The following INPP5E variants were observed in gnomAD, a reference collection of about 807,000 sequenced individuals.
INPP5E encodes the protein inositol polyphosphate-5-phosphatase E, also known as phosphatidylinositol polyphosphate 5-phosphatase type IV.
A neutral mutation model predicts 50.5 loss-of-function variants in INPP5E; 34 were observed. The ratio of observed to expected loss-of-function variants is 0.67; its 90% CI spans 0.51 to 0.90. The LOEUF is 0.90. INPP5E is among the 40% of genes least tolerant of loss of function. INPP5E has a pLI of 0.00. For synonymous variants in INPP5E, 447 were observed against 406.0 expected, an observed-to-expected ratio of 1.10 and a Z score of -1.21; for missense variants, 942 against 905.5, an observed-to-expected ratio of 1.04 and a Z score of -0.52.
intron 6 of INPP5E, 29 bp from the exon 7 acceptor site, chr9:136,432,014 C>G (rs1293467869): frequency 1.2e-6 from 2 of 1,612,494 alleles, no homozygotes; most frequent in Non-Finnish European, 1.7e-6. Context: ...TGTGTGGGCA[C>G]AGGCAGAGGG....
intron 3 of INPP5E, among the ~76,000 whole-genome samples, chr9:136,433,639 CCGGG>C (rs1835764427): frequency 6.6e-6 from 1 of 152,202 alleles, no homozygotes; most frequent in Non-Finnish European, 1.5e-5. Context: ...ACATGGGGGC[CCGGG>C]AGGCCTTGGG....
chr9:136,430,936 G>A (rs541897913), intron 8 of INPP5E, 66 bp downstream of exon 8: 28 of 1,143,740 alleles, frequency 2.4e-5, no homozygotes, highest in Admixed American at 3.5e-5. Context: ...GCCAGGCATC[G>A]GTTCCCGGCT....
At chr9:136,432,127 T>C in intron 6 of INPP5E, 142 bp from the exon 7 acceptor site, 2 of 1,025,302 alleles carry the variant, frequency 2.0e-6, no homozygotes, top group South Asian at 2.7e-5. Flanking sequence ...AGGGGTGGGA[T>C]TCGCACTGGG....
rs1383003885 is a variant in INPP5E, at chr9:136,439,556, C to G, written c.-137G>C. The G allele has an allele frequency of 1.8e-6, 1 of 566,568 alleles. No individual in the cohort carries two copies. Among genetic ancestry groups the G allele is most frequent in the Non-Finnish European group, 2.6e-6 (1 of 379,242 alleles). 35.1% of individuals were successfully genotyped at this position (566,568 alleles called of 1,614,324 possible). ...CTCCCGCTTGGGCCGGGGATGGTCG[C>G]GGAGGGGCGGGGGCGGCTGCCGCAT... On this transcript the variant is annotated 5_prime_UTR_variant, in exon 1 of 10. Transcript: ENST00000371712.
intron 5 of INPP5E, 66 bp downstream of exon 5, chr9:136,432,888 CAG>C (rs1426401350): frequency 6.3e-7 from 1 of 1,577,906 alleles, no homozygotes; most frequent in African/African-American, 1.4e-5. Context: ...CTGCCTTGGA[CAG>C]GGTCCCGGTC....
rs1468382496 is a variant in INPP5E, at chr9:136,439,714, C to A, written c.-295G>T. 3.5e-6 allele frequency: 1 copy of A among 285,186 alleles called. No individual in the cohort carries two copies. Among genetic ancestry groups the A allele is most frequent in the Non-Finnish European group, 6.5e-6 (1 of 153,808 alleles). 17.7% of individuals were successfully genotyped at this position (285,186 alleles called of 1,614,324 possible). A position where few individuals can be genotyped will look rare whatever the true frequency, so the allele number is the denominator to read the frequency against. ...GGAGGTTCGACCCCGACGGGGACGCCGCTCGGGGAGAGGGGTGGGAAGCGG... is the reference window on the plus strand; with the variant it reads ...GGAGGTTCGACCCCGACGGGGACGCAGCTCGGGGAGAGGGGTGGGAAGCGG... On this transcript the variant is annotated 5_prime_UTR_variant, in exon 1 of 10. Transcript: ENST00000371712.
chr9:136,439,520 C>T lies in INPP5E; in HGVS notation c.-101G>A. 1 of 851,618 alleles carries T rather than the reference C, an allele frequency of 1.2e-6. No individual in the cohort carries two copies. The highest frequency in any genetic ancestry group is 3.4e-5 in the East Asian group (1 of 29,088). 52.8% of individuals were successfully genotyped at this position (851,618 alleles called of 1,614,324 possible). On this transcript the variant is annotated 5_prime_UTR_variant, in exon 1 of 10. Transcript: ENST00000371712. ...TCGCCGGCGCAGCGAGGAGCAGAAA[C>T]GCCGCTGCGGCTCCCGCTTGGGCCG...
In INPP5E at chr9:136,433,121, T is replaced by TTCCTGCCACGCCCACCCC. The variant is rs370033243; in HGVS notation, c.1159+33_1159+34insGGGGTGGGCGTGGCAGGA. The TTCCTGCCACGCCCACCCC allele has an allele frequency of 4.1e-4, 555 of 1,357,722 alleles. 1 individual carries two copies. In the African/African-American group the frequency reaches 5.0e-3, roughly 12 times the overall value. The allele number at this position is 1,357,722 out of a possible 1,614,324, so 84.1% of individuals were successfully genotyped here. On this transcript the variant is annotated intron_variant, in intron 4 of 9. Coordinates refer to ENST00000371712, the MANE Select transcript of INPP5E (RefSeq NM_019892.6). Reference sequence around the variant, plus strand: ...AGCTCACCTGTGGGACGCTGCCACCTTCCAGCCGCGCCCACCCCTCCAGCC... The same window carrying TTCCTGCCACGCCCACCCC: ...AGCTCACCTGTGGGACGCTGCCACCTTCCTGCCACGCCCACCCCTCCAGCCGCGCCCACCCCTCCAGCC...
chr9:136,429,312 G>C lies in INPP5E; in HGVS notation c.*363C>G, dbSNP rs370800811. 2 of 394,652 alleles carry C rather than the reference G, an allele frequency of 5.1e-6. No individual in the cohort carries two copies. The highest frequency in any genetic ancestry group is 9.7e-6 in the Non-Finnish European group (2 of 206,790). The allele number at this position is 394,652 out of a possible 1,614,324, so 24.4% of individuals were successfully genotyped here. A position where few individuals can be genotyped will look rare whatever the true frequency, so the allele number is the denominator to read the frequency against. ...GGGAGAGGCTGGTGCAGAGCACGGGGGTGTTGGGGGGCTCTGTGACTGCCC... is the reference window on the plus strand; with the variant it reads ...GGGAGAGGCTGGTGCAGAGCACGGGCGTGTTGGGGGGCTCTGTGACTGCCC... On this transcript the variant is annotated 3_prime_UTR_variant, in exon 10 of 10. Coordinates refer to ENST00000371712, the MANE Select transcript of INPP5E (RefSeq NM_019892.6).
At position 136,434,881 on chromosome 9, in the gene INPP5E, C is replaced by T. The variant is rs1251598571; in HGVS notation, c.813-18G>A. On this transcript the variant is annotated intron_variant, in intron 1 of 9. Transcript: ENST00000371712. ...GGTAACTCCTGTGACGGGAGGACCC[C>T]AAGCTCAGGGCCAGGCACAGGACAC... 1.9e-6 allele frequency: 3 copies of T among 1,598,992 alleles called. No homozygotes were observed. The South Asian group carries it at 3.4e-5, about 18-fold the overall frequency.
chr9:136,438,585 TG>T, intron 1 of INPP5E, 22 bp downstream of exon 1: 1 of 1,427,322 alleles, frequency 7.0e-7, no homozygotes, highest in Non-Finnish European at 9.1e-7. Context: ...GCGCGGGCGC[TG>T]CACCCGCCAG....
In INPP5E at chr9:136,434,098, C is replaced by T; in HGVS notation, c.973G>A (p.Ala325Thr). Residue 325 changes from alanine to threonine, a missense_variant, in exon 3 of 10, where the codon GCC becomes ACC. By Grantham distance (58) the Ala-to-Thr change is moderately conservative. Transcript: ENST00000371712. ...PPSLDEFLLP[A>T]EADYAQDLYV... The stretch of plus-strand genomic sequence containing the variant: ...AGGTCCTGGGCATAGTCGGCCTCGG[C>T]TGGGAGCAGGAACTCGTCCAGGCTG... 1.2e-6 allele frequency: 2 copies of T among 1,610,826 alleles called. No individual in the cohort carries two copies. The highest frequency in any genetic ancestry group is 1.7e-6 in the Non-Finnish European group (2 of 1,179,538).
Position 136,433,285 on chromosome 9 carries a change from G to C in INPP5E, c.1035-6C>G. ...GACGAGTCTCCCACTCCCGCCTGCA[G>C]AGGAGGAAGCACGGCCGGCTGGGGG... On this transcript the variant is annotated splice_polypyrimidine_tract_variant and splice_region_variant and intron_variant, in intron 3 of 9. Transcript: ENST00000371712. 1 of 1,580,118 alleles carries C rather than the reference G, an allele frequency of 6.3e-7. No individual in the cohort carries two copies. The highest frequency in any genetic ancestry group is 1.1e-5 in the South Asian group (1 of 88,954).
Position 136,429,659 on chromosome 9 carries a change from C to T in INPP5E, c.*16G>A. 1 of 1,613,808 alleles carries T rather than the reference C, an allele frequency of 6.2e-7. No individual in the cohort carries two copies. Among genetic ancestry groups the T allele is most frequent in the Non-Finnish European group, 8.5e-7 (1 of 1,180,006 alleles). On this transcript the variant is annotated 3_prime_UTR_variant, in exon 10 of 10. Transcript: ENST00000371712. ...ATCACCCCACGTTGCAGCTGTGAGT[C>T]CTCGTTCAGCAAACTTCAAGAAACG...
chr9:136,438,982 G>A lies in INPP5E; in HGVS notation c.438C>T (p.Val146=). The change falls in exon 1 of 10, where the codon GTC becomes GTT. Residue 146 remains valine (V), a synonymous_variant. Coordinates refer to ENST00000371712, the MANE Select transcript of INPP5E (RefSeq NM_019892.6). The stretch of plus-strand genomic sequence containing the variant: ...ACGGGCTCCCTCTCTCACTGCTCAG[G>A]ACCCCGCGGGACTTGGGGATTTCCT... ...SLQEIPKSRG[V]LSSERGSPSS... 1 of 1,582,762 alleles carries A rather than the reference G, an allele frequency of 6.3e-7. No homozygotes were observed. The highest frequency in any genetic ancestry group is 8.6e-7 in the Non-Finnish European group (1 of 1,165,078).
At position 136,429,615 on chromosome 9, in the gene INPP5E, G is replaced by A. The variant is rs1461877140; in HGVS notation, c.*60C>T. ...GGCGGCAAACTCTTTGTCCTTCCCA[G>A]TGGGTTTTGATCAATACAATCACCC... On this transcript the variant is annotated 3_prime_UTR_variant, in exon 10 of 10. Coordinates refer to ENST00000371712, the MANE Select transcript of INPP5E (RefSeq NM_019892.6). The A allele has an allele frequency of 6.2e-7, 1 of 1,602,860 alleles. No individual in the cohort carries two copies. The highest frequency in any genetic ancestry group is 8.5e-7 in the Non-Finnish European group (1 of 1,173,874).
intron 2 of INPP5E, among the ~76,000 whole-genome samples, 156 bp from the exon 3 acceptor site, chr9:136,434,290 G>A (rs1399358008): frequency 1.3e-5 from 2 of 152,206 alleles, no homozygotes; most frequent in East Asian, 3.9e-4. Flanking sequence ...CTCCGAGGCA[G>A]CCTCTGACAC....
chr9:136,433,502 C>T lies in INPP5E; in HGVS notation c.1035-223G>A, dbSNP rs79765593. ...CACTTGAGTGGCTCCCCTGGACCCC[C>T]GCCGAGACCCCAGTGAGCAGAGCTC... On this transcript the variant is annotated intron_variant, in intron 3 of 9. Coordinates refer to ENST00000371712, the MANE Select transcript of INPP5E (RefSeq NM_019892.6). Among the ~76,000 whole-genome samples, 12 of 152,276 alleles carry T rather than the reference C, an allele frequency of 7.9e-5. No individual in the cohort carries two copies. In the East Asian group the frequency reaches 1.5e-3, roughly 20 times the overall value.
At chr9:136,436,950 T>C (rs1418206405) in intron 1 of INPP5E, 6 of 152,248 alleles carry the variant, frequency 3.9e-5, no homozygotes, top group African/African-American at 7.2e-5. Context: ...GGGTCCAAAT[T>C]TGAGACACGA....
Sources: gnomAD v4.1 joint callset for allele counts (sites outside exome capture counted in the v4.1 genomes callset) on GRCh38, gnomAD v4.1.1 for gene constraint, MANE v1.5 for transcripts, NCBI Gene and HGNC (gene_info 2026-07-23, HGNC 2026-07-21) for gene names.